NRXN3: variants seen among roughly 807,000 people sequenced by gnomAD.
NRXN3 encodes neurexin III.
A neutral mutation model predicts 137.6 loss-of-function variants in NRXN3; 32 were observed. The observed-to-expected ratio is 0.23, with a 90% CI of 0.18 to 0.31. The LOEUF is 0.31. NRXN3 is among the 10% of genes least tolerant of loss of function. NRXN3 has a pLI of 1.00. For missense variants in NRXN3, 1,574 were observed against 2,062.5 expected (o/e 0.76, Z 4.59); for synonymous variants, 798 against 784.5 (o/e 1.02, Z -0.29).
intron 20 of NRXN3, among the ~76,000 whole-genome samples, chr14:79,830,102 T>C (rs2099318395): frequency 6.6e-6 from 1 of 152,200 alleles, no homozygotes; most frequent in African/African-American, 2.4e-5. Flanking sequence ...ATTGTTACCA[T>C]ATAAATGACT....
intron 16 of NRXN3, among the ~76,000 whole-genome samples, chr14:79,582,666 G>A (rs768016517): frequency 2.0e-5 from 3 of 151,728 alleles, no homozygotes; most frequent in African/African-American, 4.8e-5. Flanking sequence ...TGATCTGCCC[G>A]CCTCAGCCTC....
chr14:78,882,063 G>T (rs959395931), intron 10 of NRXN3, among the ~76,000 whole-genome samples: 1 of 151,790 alleles, frequency 6.6e-6, no homozygotes, highest in Non-Finnish European at 1.5e-5. Flanking sequence ...CCCATTCTTG[G>T]CAGCTTCCAC....
chr14:79,650,242 G>C (rs746804837), intron 16 of NRXN3, among the ~76,000 whole-genome samples: 4 of 152,068 alleles, frequency 2.6e-5, no homozygotes, highest in Non-Finnish European at 5.9e-5. Context: ...CTGAAGGCCA[G>C]GTAATGAATC....
intron 10 of NRXN3, among the ~76,000 whole-genome samples, chr14:78,929,786 A>C (rs1440842615): frequency 6.6e-6 from 1 of 152,212 alleles, no homozygotes; most frequent in Non-Finnish European, 1.5e-5. Context: ...GACCTTCCTT[A>C]TAAGGGAAGC....
chr14:78,224,453 G>A (rs1465832858), intron 1 of NRXN3, among the ~76,000 whole-genome samples: 2 of 151,922 alleles, frequency 1.3e-5, no homozygotes, highest in Non-Finnish European at 2.9e-5. Flanking sequence ...AGTCCCCAGA[G>A]TGTGATGTTC....
At chr14:79,851,434 T>G (rs531884864) in intron 20 of NRXN3, among the ~76,000 whole-genome samples, 1 of 152,088 alleles carries the variant, frequency 6.6e-6, no homozygotes, top group Non-Finnish European at 1.5e-5. Flanking sequence ...TTAACATTAT[T>G]AAACCAGAGA....
At chr14:79,735,486 A>G (rs377209970) in intron 19 of NRXN3, among the ~76,000 whole-genome samples, 2 of 152,180 alleles carry the variant, frequency 1.3e-5, no homozygotes, top group East Asian at 3.9e-4. Flanking sequence ...TGAAAAAGGA[A>G]AAATTTTAGG....
intron 19 of NRXN3, among the ~76,000 whole-genome samples, chr14:79,711,913 G>T (rs1194743733): frequency 6.6e-6 from 1 of 152,118 alleles, no homozygotes; most frequent in African/African-American, 2.4e-5. Context: ...AACTGGGAAG[G>T]GCCTTTTAGC....
rs552838769 is a variant in NRXN3, at chr14:79,315,978, C to T, written c.3263-151243C>T. The stretch of plus-strand genomic sequence containing the variant: ...TCCAGATGATGTCACATGTAAATAG[C>T]ACTCCGAAATCACTAGGCATCAAAA... On this transcript the variant is annotated intron_variant, in intron 15 of 20. Coordinates refer to ENST00000335750, the MANE Select transcript of NRXN3 (RefSeq NM_001330195.2). 1.3e-4 allele frequency among the ~76,000 whole-genome samples: 20 copies of T among 152,270 alleles called. No homozygotes were observed. The East Asian group carries it at 2.3e-3, about 18-fold the overall frequency.
Position 79,411,395 on chromosome 14 carries a change from A to G in NRXN3, c.3263-55826A>G, listed in dbSNP as rs768986475. On this transcript the variant is annotated intron_variant, in intron 15 of 20. Transcript: ENST00000335750. ...CCACCCCCAACCCTGCAATCATCCT[A>G]CATGTAGTGTTTCTATTTATCATTG... 4.3e-4 allele frequency among the ~76,000 whole-genome samples: 65 copies of G among 152,088 alleles called. 1 individual carries two copies. The highest frequency in any genetic ancestry group is 7.9e-4 in the Non-Finnish European group (54 of 67,980).
chr14:79,781,662 C>G (rs553299999), intron 19 of NRXN3, among the ~76,000 whole-genome samples: 2 of 152,184 alleles, frequency 1.3e-5, no homozygotes, highest in African/African-American at 4.8e-5. Flanking sequence ...AGGTCTGACA[C>G]CCATTAGCAT....
chr14:79,227,794 CT>C (rs1568684933), intron 15 of NRXN3, among the ~76,000 whole-genome samples: 1,858 of 82,818 alleles, frequency 0.022, 44 homozygotes, highest in Admixed American at 0.045. Context: ...TCCCTCCTCC[CT>C]TCCTCCCTTC....
chr14:78,489,512 T>C (rs1034212193), intron 4 of NRXN3, among the ~76,000 whole-genome samples: 5 of 152,144 alleles, frequency 3.3e-5, no homozygotes, highest in Non-Finnish European at 7.3e-5. Context: ...CACTGATTCC[T>C]CTCTGTGGGC....
chr14:79,497,781 AAT>A (rs1421532271), intron 16 of NRXN3, among the ~76,000 whole-genome samples: 1 of 152,200 alleles, frequency 6.6e-6, no homozygotes, highest in African/African-American at 2.4e-5. Context: ...TCACGCCTGT[AAT>A]CCCAGCACTT....
intron 4 of NRXN3, among the ~76,000 whole-genome samples, chr14:78,535,583 G>A (rs2096527573): frequency 6.6e-6 from 1 of 152,140 alleles, no homozygotes; most frequent in South Asian, 2.1e-4. Flanking sequence ...CTAGCATGTA[G>A]CCAGGGCTCC....
rs554277541 is a variant in NRXN3 at position 78,560,320 on chromosome 14, A to G, written c.758-84800A>G. ...AAAAATCATGCCATGCTATTGACTC[A>G]TTGTCCTCTTCAGTAATCTTCTGGT... On this transcript the variant is annotated intron_variant, in intron 4 of 20. Transcript: ENST00000335750. Among the ~76,000 whole-genome samples the G allele has an allele frequency of 4.6e-5, 7 of 152,228 alleles. No homozygotes were observed. In the South Asian group the frequency reaches 1.4e-3, roughly 32 times the overall value.
chr14:79,327,090 C>T (rs960362466), intron 15 of NRXN3, among the ~76,000 whole-genome samples: 2 of 152,144 alleles, frequency 1.3e-5, no homozygotes, highest in African/African-American at 2.4e-5. Context: ...TCCCTTCTTT[C>T]TTCTTTCTTT....
intron 16 of NRXN3, among the ~76,000 whole-genome samples, chr14:79,611,228 G>C (rs1603032583): frequency 6.6e-6 from 1 of 152,320 alleles, no homozygotes; most frequent in East Asian, 1.9e-4. Flanking sequence ...TATAGAAAAT[G>C]CTTATAGTAC....
At chr14:79,477,621 T>G (rs552534428) in intron 16 of NRXN3, among the ~76,000 whole-genome samples, 2 of 152,246 alleles carry the variant, frequency 1.3e-5, no homozygotes, top group Admixed American at 1.3e-4. Context: ...GGAAGACATT[T>G]AAAGATTTTT....
Sources: gnomAD v4.1 joint callset for allele counts (sites outside exome capture counted in the v4.1 genomes callset) on GRCh38, gnomAD v4.1.1 for gene constraint, MANE v1.5 for transcripts, NCBI Gene and HGNC (gene_info 2026-07-23, HGNC 2026-07-21) for gene names.